The following AMBRA1 variants were observed in gnomAD, a reference collection of about 807,000 sequenced individuals.
AMBRA1 encodes activating molecule in BECN1-regulated autophagy protein 1.
A neutral mutation model predicts 125.4 loss-of-function variants in AMBRA1; 47 were observed. That is an observed-to-expected ratio of 0.37 (90% CI 0.30 to 0.48). The LOEUF is 0.48. Ranked by LOEUF, AMBRA1 falls within the 20% of genes least tolerant of loss-of-function variation. The pLI is 0.99. For synonymous variants in AMBRA1, 626 were observed against 655.5 expected, an observed-to-expected ratio of 0.95 and a Z score of 0.69; for missense variants, 1,331 against 1,693.4, an observed-to-expected ratio of 0.79 and a Z score of 3.76.
At chr11:46,507,983 G>A (rs545727722) in intron 9 of AMBRA1, among the ~76,000 whole-genome samples, 1 of 152,282 alleles carries the variant, frequency 6.6e-6, no homozygotes, top group African/African-American at 2.4e-5. Context: ...CTGTCCTCGC[G>A]CGCCAGTGAA....
chr11:46,578,839 C>A (rs1400489008), intron 1 of AMBRA1, among the ~76,000 whole-genome samples: 17 of 128,132 alleles, frequency 1.3e-4, no homozygotes, highest in Non-Finnish European at 1.6e-5. Context: ...CGAGATTGCA[C>A]CACTGCATGC....
intron 1 of AMBRA1, among the ~76,000 whole-genome samples, chr11:46,568,032 C>T (rs1312481353): frequency 6.6e-6 from 1 of 151,744 alleles, no homozygotes; most frequent in Non-Finnish European, 1.5e-5. Flanking sequence ...CCTGTAATTC[C>T]AGATACTTGG....
chr11:46,555,419 T>C (rs1396615696), intron 1 of AMBRA1, among the ~76,000 whole-genome samples: 1 of 152,198 alleles, frequency 6.6e-6, no homozygotes, highest in Non-Finnish European at 1.5e-5. Flanking sequence ...CTGTAAAACA[T>C]GATCACAATG....
At chr11:46,580,250 G>C (rs1348196154) in intron 1 of AMBRA1, among the ~76,000 whole-genome samples, 1 of 152,070 alleles carries the variant, frequency 6.6e-6, no homozygotes, top group Non-Finnish European at 1.5e-5. Flanking sequence ...GAATTCCTTG[G>C]AGTGTGGTCT....
At chr11:46,487,187 G>A (rs1950297976) in intron 11 of AMBRA1, among the ~76,000 whole-genome samples, 1 of 151,836 alleles carries the variant, frequency 6.6e-6, no homozygotes, top group African/African-American at 2.4e-5. Flanking sequence ...GAGACCAGCA[G>A]GTTGAGGGTG....
At chr11:46,486,946 T>C (rs1298822375) in intron 11 of AMBRA1, among the ~76,000 whole-genome samples, 1 of 144,842 alleles carries the variant, frequency 6.9e-6, no homozygotes, top group Non-Finnish European at 1.5e-5. Context: ...AATAAATAAA[T>C]AAATAAATAC....
intron 8 of AMBRA1, among the ~76,000 whole-genome samples, chr11:46,508,647 C>A (rs1951150185): frequency 6.6e-6 from 1 of 152,220 alleles, no homozygotes; most frequent in African/African-American, 2.4e-5. Context: ...AAACACTGGG[C>A]CTTTCCTTCT....
intron 7 of AMBRA1, among the ~76,000 whole-genome samples, chr11:46,517,973 CAAAATGTTA>C (rs1331296171): frequency 2.6e-5 from 4 of 151,738 alleles, no homozygotes. Flanking sequence ...GCCAATGTGG[CAAAATGTTA>C]ACATTTAGGG....
chr11:46,477,317 ACTT>A (rs1248910913), intron 11 of AMBRA1, among the ~76,000 whole-genome samples: 3 of 150,876 alleles, frequency 2.0e-5, no homozygotes, highest in South Asian at 2.1e-4. Context: ...CTTTAAAGAT[ACTT>A]CTTTTTTTTT....
At chr11:46,471,033 G>C (rs1332011652) in intron 11 of AMBRA1, among the ~76,000 whole-genome samples, 1 of 152,180 alleles carries the variant, frequency 6.6e-6, no homozygotes, top group Non-Finnish European at 1.5e-5. Flanking sequence ...TTTCTGATAG[G>C]GTAGTTGCTG....
At chr11:46,509,141 G>C (rs1260439667) in intron 8 of AMBRA1, among the ~76,000 whole-genome samples, 1 of 152,234 alleles carries the variant, frequency 6.6e-6, no homozygotes, top group African/African-American at 2.4e-5. Context: ...GGTGAGAGTT[G>C]TTCCTCTTTC....
chr11:46,591,915 T>C (rs1416299039), intron 1 of AMBRA1, among the ~76,000 whole-genome samples: 1 of 149,318 alleles, frequency 6.7e-6, no homozygotes, highest in Admixed American at 6.7e-5. Context: ...TGGAAACTTA[T>C]CCAACCCAGA....
intron 5 of AMBRA1, among the ~76,000 whole-genome samples, chr11:46,544,646 A>C (rs1243691121): frequency 2.0e-5 from 3 of 152,200 alleles, no homozygotes; most frequent in Non-Finnish European, 2.9e-5. Flanking sequence ...AAGGTATCTA[A>C]AATACCACCC....
intron 1 of AMBRA1, among the ~76,000 whole-genome samples, chr11:46,553,760 A>C (rs1321280615): frequency 2.6e-5 from 4 of 152,058 alleles, no homozygotes; most frequent in Middle Eastern, 3.4e-3. Flanking sequence ...AAAAACACAA[A>C]AACAAAAACA....
At chr11:46,476,855 G>A (rs935840428) in intron 11 of AMBRA1, among the ~76,000 whole-genome samples, 1 of 152,076 alleles carries the variant, frequency 6.6e-6, no homozygotes, top group Non-Finnish European at 1.5e-5. Context: ...CCTCACGCCT[G>A]TAATTCCAGC....
chr11:46,508,426 G>T, intron 8 of AMBRA1, 56 bp from the exon 9 acceptor site: 1 of 1,551,008 alleles, frequency 6.4e-7, no homozygotes, highest in Non-Finnish European at 8.8e-7. Flanking sequence ...GGAATACTAT[G>T]AAAGGCAGTT....
Position 46,397,801 on chromosome 11 carries a change from G to A in AMBRA1, c.3546C>T (p.Ile1182=), listed in dbSNP as rs753714405. 1.9e-6 allele frequency: 3 copies of A among 1,609,070 alleles called. No individual in the cohort carries two copies. Among genetic ancestry groups the A allele is most frequent in the South Asian group, 1.1e-5 (1 of 91,090 alleles). Residue 1182 remains isoleucine, a synonymous_variant, in exon 18 of 18, where the codon ATC becomes ATT. Coordinates refer to ENST00000683756, the MANE Select transcript of AMBRA1 (RefSeq NM_001387011.1). The part of the protein sequence containing the change: ...MASMGGFGNN[I]IVSHRIHRSS... Reference sequence around the variant, plus strand: ...TGCGGTGAATGCGGTGGCTGACGATGATGTTGTTGCCGAAGCCGCCCATGG... The same window carrying A: ...TGCGGTGAATGCGGTGGCTGACGATAATGTTGTTGCCGAAGCCGCCCATGG...
chr11:46,534,566 G>C (rs748725775), intron 7 of AMBRA1, among the ~76,000 whole-genome samples: 1 of 152,194 alleles, frequency 6.6e-6, no homozygotes, highest in Non-Finnish European at 1.5e-5. Flanking sequence ...TGGAATGAGT[G>C]AATGGATGGA....
intron 7 of AMBRA1, among the ~76,000 whole-genome samples, chr11:46,541,568 C>T (rs1234460049): frequency 2.0e-5 from 3 of 152,170 alleles, no homozygotes; most frequent in African/African-American, 7.2e-5. Flanking sequence ...TTTACTTATT[C>T]CTAGGCACTC....
Sources: allele counts gnomAD v4.1 joint callset (sites outside exome capture counted in the v4.1 genomes callset), GRCh38; gene constraint gnomAD v4.1.1; transcripts MANE v1.5; gene names NCBI Gene and HGNC (gene_info 2026-07-23, HGNC 2026-07-21).